The following CSMD1 variants were observed in gnomAD, a reference collection of about 807,000 sequenced individuals.
The protein encoded by CSMD1 is CUB and Sushi multiple domains 1.
A neutral mutation model predicts 417.5 loss-of-function variants in CSMD1; 213 were observed. The observed-to-expected ratio is 0.51, with a 90% CI of 0.46 to 0.57. CSMD1 has a LOEUF of 0.57. CSMD1 is among the 20% of genes least tolerant of loss of function. The pLI is 0.00. For missense variants in CSMD1, 6,923 were observed against 4,529.7 expected (o/e 1.53, Z -15.17); for synonymous variants, 2,862 against 1,736.8 (o/e 1.65, Z -16.11).
chr8:3,298,478 G>A (rs1056279406), intron 25 of CSMD1, among the ~76,000 whole-genome samples: 4 of 152,254 alleles, frequency 2.6e-5, no homozygotes, highest in African/African-American at 9.6e-5. Flanking sequence ...TTTTTAGACA[G>A]AGTCTTGATC....
intron 39 of CSMD1, 24 bp downstream of exon 39, chr8:3,157,873 G>C (rs1819632830): frequency 6.5e-7 from 1 of 1,539,394 alleles, no homozygotes; most frequent in Admixed American, 2.0e-5. Context: ...CGCAGCAGCA[G>C]AGTTACAGAA....
chr8:4,939,218 T>G (rs1039282695), intron 1 of CSMD1, among the ~76,000 whole-genome samples: 7 of 152,194 alleles, frequency 4.6e-5, no homozygotes, highest in Non-Finnish European at 1.5e-5. Flanking sequence ...TGTAAATTAG[T>G]AAAGCAAATA....
intron 23 of CSMD1, among the ~76,000 whole-genome samples, chr8:3,334,123 G>A (rs893752207): frequency 2.0e-5 from 3 of 152,180 alleles, no homozygotes; most frequent in African/African-American, 7.2e-5. Context: ...ATGTGTTTGG[G>A]TAGAGATAGG....
At chr8:4,355,695 C>T (rs549570531) in intron 3 of CSMD1, among the ~76,000 whole-genome samples, 2 of 152,186 alleles carry the variant, frequency 1.3e-5, no homozygotes, top group Admixed American at 6.5e-5. Context: ...TCCTACCAAT[C>T]CCACTCCAAG....
At chr8:4,687,846 C>CAT (rs1487000945) in intron 1 of CSMD1, among the ~76,000 whole-genome samples, 1 of 148,292 alleles carries the variant, frequency 6.7e-6, no homozygotes, top group African/African-American at 2.4e-5. Flanking sequence ...TACACACACA[C>CAT]ACACACACAC....
intron 53 of CSMD1, among the ~76,000 whole-genome samples, chr8:2,999,004 C>T (rs118151050): frequency 0.022 from 3,304 of 152,186 alleles, 34 homozygotes; most frequent in African/African-American, 0.029. Context: ...TACAATATTT[C>T]TAAAAACAAT....
At chr8:4,248,886 G>A (rs1189860455) in intron 3 of CSMD1, among the ~76,000 whole-genome samples, 1 of 150,802 alleles carries the variant, frequency 6.6e-6, no homozygotes, top group African/African-American at 2.4e-5. Flanking sequence ...TTTTCTGTTG[G>A]AAAAAAAAAT....
intron 5 of CSMD1, among the ~76,000 whole-genome samples, chr8:3,823,063 A>G (rs1801829789): frequency 6.6e-6 from 1 of 152,196 alleles, no homozygotes; most frequent in African/African-American, 2.4e-5. Context: ...TGGTTCCGGA[A>G]GAGATTTCAA....
At chr8:4,812,882 T>G (rs1798989930) in intron 1 of CSMD1, among the ~76,000 whole-genome samples, 2 of 152,158 alleles carry the variant, frequency 1.3e-5, no homozygotes, top group Admixed American at 1.3e-4. Flanking sequence ...TATTACACCC[T>G]TGAGAAACAG....
At chr8:3,857,104 C>T (rs1438222604) in intron 5 of CSMD1, among the ~76,000 whole-genome samples, 1 of 152,056 alleles carries the variant, frequency 6.6e-6, no homozygotes, top group African/African-American at 2.4e-5. Flanking sequence ...AGACACAGCT[C>T]TTTAGTCATA....
intron 2 of CSMD1, among the ~76,000 whole-genome samples, chr8:4,484,832 G>A (rs758158793): frequency 1.3e-5 from 2 of 151,734 alleles, no homozygotes; most frequent in Non-Finnish European, 2.9e-5. Context: ...AATTAGCCGG[G>A]CATGGTGGCA....
chr8:4,105,529 C>T (rs945188203), intron 3 of CSMD1, among the ~76,000 whole-genome samples: 1 of 152,170 alleles, frequency 6.6e-6, no homozygotes, highest in Non-Finnish European at 1.5e-5. Flanking sequence ...TTATTTTCTG[C>T]TGGATGCAGA....
At chr8:3,883,651 ATAT>A (rs1417259910) in intron 5 of CSMD1, among the ~76,000 whole-genome samples, 2 of 152,158 alleles carry the variant, frequency 1.3e-5, no homozygotes, top group African/African-American at 4.8e-5. Flanking sequence ...TCAATTACTG[ATAT>A]TATTAATTTA....
At chr8:4,770,331 G>C (rs1796535918) in intron 1 of CSMD1, among the ~76,000 whole-genome samples, 1 of 147,652 alleles carries the variant, frequency 6.8e-6, no homozygotes, top group East Asian at 2.0e-4. Flanking sequence ...TATGTACATA[G>C]AAATATATAT....
intron 2 of CSMD1, among the ~76,000 whole-genome samples, chr8:4,420,752 T>G (rs1217537): frequency 6.6e-6 from 1 of 151,984 alleles, no homozygotes; most frequent in Non-Finnish European, 1.5e-5. Context: ...GGCAAACCAA[T>G]GCTGACACAG....
intron 3 of CSMD1, among the ~76,000 whole-genome samples, chr8:4,160,535 G>T (rs1187926250): frequency 2.0e-5 from 3 of 152,210 alleles, no homozygotes; most frequent in African/African-American, 7.2e-5. Context: ...CAAGGAAAAG[G>T]AGATTTTCAG....
intron 5 of CSMD1, among the ~76,000 whole-genome samples, chr8:3,950,145 C>T (rs2627515): frequency 0.66 from 100,253 of 151,998 alleles, 33,678 homozygotes; most frequent in Middle Eastern, 0.77. Context: ...CATTTATACA[C>T]CAGCTGACTT....
Position 3,587,770 on chromosome 8 carries a change from T to G in CSMD1, c.1098-1510A>C, listed in dbSNP as rs183550653. Reference sequence around the variant, plus strand: ...TAAAACTTAATATGCAAAAGCTTATTTTAGAAAATAATGAAGAGAATTCAA... The same window carrying G: ...TAAAACTTAATATGCAAAAGCTTATGTTAGAAAATAATGAAGAGAATTCAA... On this transcript the variant is annotated intron_variant, in intron 8 of 69. Transcript: ENST00000635120. Among the ~76,000 whole-genome samples, 296 of 152,298 alleles carry G rather than the reference T, an allele frequency of 1.9e-3. 6 individuals are homozygous for G. Among genetic ancestry groups the G allele is most frequent in the Admixed American group, 0.019 (292 of 15,294 alleles).
intron 2 of CSMD1, among the ~76,000 whole-genome samples, chr8:4,486,897 AG>A (rs1801443882): frequency 6.6e-6 from 1 of 152,116 alleles, no homozygotes; most frequent in African/African-American, 2.4e-5. Context: ...AGCAAGAAGA[AG>A]GGGGAATTAG....
Sources: gnomAD v4.1 joint callset for allele counts (sites outside exome capture counted in the v4.1 genomes callset) on GRCh38, gnomAD v4.1.1 for gene constraint, MANE v1.5 for transcripts, NCBI Gene and HGNC (gene_info 2026-07-23, HGNC 2026-07-21) for gene names.